BIRC6: variants seen among roughly 807,000 people sequenced by gnomAD.
The protein encoded by BIRC6 is dual E2 ubiquitin-conjugating enzyme/E3 ubiquitin-protein ligase BIRC6.
BIRC6 carries 98 observed loss-of-function variants against 503.3 expected under a neutral mutation model. The ratio of observed to expected loss-of-function variants is 0.19; its 90% CI spans 0.17 to 0.23. BIRC6 has a LOEUF of 0.23. BIRC6 is among the 10% of genes least tolerant of loss of function. BIRC6 has a pLI of 1.00. For synonymous variants in BIRC6, 2,240 were observed against 2,078.7 expected, an observed-to-expected ratio of 1.08 and a Z score of -2.11; for missense variants, 5,360 against 5,806.0, an observed-to-expected ratio of 0.92 and a Z score of 2.50.
chr2:32,507,230 G>T (rs1047310909), intron 50 of BIRC6, among the ~76,000 whole-genome samples: 1 of 152,158 alleles, frequency 6.6e-6, no homozygotes, highest in African/African-American at 2.4e-5. Flanking sequence ...AGGAGTTCAA[G>T]ACCAGCCTGG....
intron 33 of BIRC6, among the ~76,000 whole-genome samples, chr2:32,473,574 G>C (rs896929364): frequency 6.6e-6 from 1 of 151,744 alleles, no homozygotes; most frequent in African/African-American, 2.4e-5. Flanking sequence ...GTAATTCTCT[G>C]TGGCTTTTGT....
intron 51 of BIRC6, 29 bp from the exon 52 acceptor site, chr2:32,509,709 T>C (rs1442371168): frequency 6.2e-7 from 1 of 1,612,336 alleles, no homozygotes; most frequent in East Asian, 2.2e-5. Context: ...CGACTTATAT[T>C]GATCATACAA....
chr2:32,565,965 A>G (rs1293288606), intron 65 of BIRC6: 4 of 152,310 alleles, frequency 2.6e-5, no homozygotes, highest in South Asian at 2.1e-4. Context: ...GAGAACTACA[A>G]TGCATGATGA....
intron 61 of BIRC6, among the ~76,000 whole-genome samples, chr2:32,536,636 G>C (rs762709911): frequency 7.8e-4 from 119 of 152,198 alleles, no homozygotes; most frequent in Non-Finnish European, 1.4e-3. Flanking sequence ...CATTATTTCT[G>C]AGGGCTCTGT....
intron 6 of BIRC6, 34 bp from the exon 7 acceptor site, chr2:32,401,129 T>G: frequency 6.4e-7 from 1 of 1,569,288 alleles, no homozygotes; most frequent in Non-Finnish European, 8.7e-7. Flanking sequence ...TGCTTTATTT[T>G]TAGTAAACTT....
chr2:32,570,220 T>A (rs2059824716), intron 65 of BIRC6, among the ~76,000 whole-genome samples: 1 of 152,242 alleles, frequency 6.6e-6, no homozygotes. Context: ...TATGGATTTG[T>A]GTGTGTTGAA....
intron 49 of BIRC6, 73 bp downstream of exon 49, chr2:32,503,309 T>C: frequency 1.6e-6 from 2 of 1,244,732 alleles, no homozygotes; most frequent in Non-Finnish European, 2.2e-6. Context: ...ACAAAATTAG[T>C]TGAAGTCAGT....
intron 5 of BIRC6, 73 bp from the exon 6 acceptor site, chr2:32,395,438 A>T (rs896032046): frequency 2.7e-5 from 33 of 1,211,604 alleles, no homozygotes; most frequent in Non-Finnish European, 3.7e-5. Flanking sequence ...TGAACTTTTA[A>T]AAATAACTTT....
At chr2:32,557,261 C>G (rs1486227086) in intron 65 of BIRC6, 4 of 152,186 alleles carry the variant, frequency 2.6e-5, no homozygotes, top group Non-Finnish European at 5.9e-5. Context: ...TCATAGTCTT[C>G]TTTCCTATAC....
chr2:32,613,189 T>TTGTG (rs1301299276), intron 73 of BIRC6, among the ~76,000 whole-genome samples: 2 of 130,062 alleles, frequency 1.5e-5, no homozygotes, highest in African/African-American at 5.2e-5. Context: ...CTTGACTGGT[T>TTGTG]TGTTTGTTTG....
chr2:32,581,325 A>G (rs1301756268), intron 66 of BIRC6, among the ~76,000 whole-genome samples: 1 of 152,248 alleles, frequency 6.6e-6, no homozygotes, highest in South Asian at 2.1e-4. Flanking sequence ...ATGGTGAGAT[A>G]TTATTAATTT....
At chr2:32,360,950 T>C (rs2033983365) in intron 1 of BIRC6, among the ~76,000 whole-genome samples, 2 of 151,620 alleles carry the variant, frequency 1.3e-5, no homozygotes, top group African/African-American at 4.9e-5. Context: ...TGACAGAGTG[T>C]CACTCTGTGG....
At chr2:32,500,896 C>T (rs973936107) in intron 46 of BIRC6, among the ~76,000 whole-genome samples, 7 of 151,830 alleles carry the variant, frequency 4.6e-5, no homozygotes, top group African/African-American at 9.7e-5. Context: ...TGAGCCACTG[C>T]GCCCTGCCAA....
At chr2:32,533,033 T>C (rs2056911793) in intron 61 of BIRC6, among the ~76,000 whole-genome samples, 1 of 152,100 alleles carries the variant, frequency 6.6e-6, no homozygotes, top group Admixed American at 6.5e-5. Context: ...ATGTGGATGA[T>C]AAAGCTTCTG....
chr2:32,473,388 C>T (rs1158898766), intron 33 of BIRC6, 149 bp downstream of exon 33: 8 of 640,382 alleles, frequency 1.2e-5, no homozygotes, highest in Middle Eastern at 3.9e-4. Flanking sequence ...ACTTCAATTT[C>T]CTTAATTGTT....
chr2:32,552,755 C>T (rs916415128), intron 65 of BIRC6, among the ~76,000 whole-genome samples: 2 of 151,894 alleles, frequency 1.3e-5, no homozygotes, highest in Non-Finnish European at 1.5e-5. Context: ...CAAGATCGTG[C>T]CACTGCATTC....
chr2:32,454,477 T>A (rs1574326780), intron 23 of BIRC6, among the ~76,000 whole-genome samples: 1 of 112,238 alleles, frequency 8.9e-6, no homozygotes, highest in East Asian at 2.2e-4. Context: ...TTGTTTTCTG[T>A]GATTTTTTTT....
At chr2:32,450,016 T>C (rs1452095428) in intron 22 of BIRC6, among the ~76,000 whole-genome samples, 2 of 152,202 alleles carry the variant, frequency 1.3e-5, no homozygotes, top group African/African-American at 4.8e-5. Flanking sequence ...TGATTGGAAC[T>C]AGTAGGAGAG....
At chr2:32,530,531 T>C (rs376624667) in intron 60 of BIRC6, among the ~76,000 whole-genome samples, 70 of 152,318 alleles carry the variant, frequency 4.6e-4, no homozygotes, top group Admixed American at 1.9e-3. Context: ...TTAAATATTT[T>C]TGAATATCCA....
Sources: gnomAD v4.1 joint callset for allele counts (sites outside exome capture counted in the v4.1 genomes callset) on GRCh38, gnomAD v4.1.1 for gene constraint, MANE v1.5 for transcripts, NCBI Gene and HGNC (gene_info 2026-07-23, HGNC 2026-07-21) for gene names.